Variants in PALS2 observed in about 807,000 individuals in gnomAD.
PALS2 encodes protein associated with LIN7 2, MAGUK p55 family member, also known as protein PALS2.
A neutral mutation model predicts 61.6 loss-of-function variants in PALS2; 27 were observed. That is an observed-to-expected ratio of 0.44 (90% CI 0.32 to 0.60). The LOEUF (loss-of-function observed/expected upper bound fraction) is 0.60, where lower values mean the gene tolerates loss of function less well. Among genes scored for constraint, PALS2 ranks in the 20% least tolerant of loss-of-function variants. The pLI, the probability that PALS2 is intolerant of heterozygous loss-of-function variation, is 0.05. For synonymous variants in PALS2, 236 were observed against 218.6 expected (o/e 1.08, Z -0.70); for missense variants, 554 against 639.4 (o/e 0.87, Z 1.44).
chr7:24,640,825 G>A (rs535463232), intron 2 of PALS2, among the ~76,000 whole-genome samples: 124 of 151,974 alleles, frequency 8.2e-4, no homozygotes, highest in Non-Finnish European at 1.5e-3. Context: ...TGGCTAACAT[G>A]GTGAAACCCT....
intron 11 of PALS2, among the ~76,000 whole-genome samples, chr7:24,684,573 T>C (rs569381930): frequency 1.3e-5 from 2 of 152,298 alleles, no homozygotes; most frequent in East Asian, 3.9e-4. Flanking sequence ...TAGTGGGAGA[T>C]AGCATTTAAA....
At chr7:24,644,411 A>G (rs796518718) in intron 3 of PALS2, among the ~76,000 whole-genome samples, 30 of 152,210 alleles carry the variant, frequency 2.0e-4, no homozygotes, top group African/African-American at 7.0e-4. Context: ...CTCCAGCTCC[A>G]TTCATGTTGC....
At chr7:24,652,672 C>T (rs1472719649) in intron 5 of PALS2, among the ~76,000 whole-genome samples, 4 of 152,056 alleles carry the variant, frequency 2.6e-5, no homozygotes, top group African/African-American at 7.2e-5. Flanking sequence ...AAACCATGGG[C>T]ATCCTACTGA....
intron 11 of PALS2, among the ~76,000 whole-genome samples, chr7:24,683,198 T>TA (rs1235594823): frequency 1.3e-5 from 2 of 152,234 alleles, no homozygotes; most frequent in Non-Finnish European, 2.9e-5. Flanking sequence ...TCATTCCTTC[T>TA]ACATTTATAA....
chr7:24,628,164 C>A (rs28812594), intron 2 of PALS2, among the ~76,000 whole-genome samples: 3,577 of 152,282 alleles, frequency 0.023, 164 homozygotes, highest in African/African-American at 0.082. Context: ...AAAGGCTTAT[C>A]CACCACGATC....
At chr7:24,636,529 G>T (rs1583916552) in intron 2 of PALS2, among the ~76,000 whole-genome samples, 1 of 152,146 alleles carries the variant, frequency 6.6e-6, no homozygotes, top group Non-Finnish European at 1.5e-5. Context: ...AGAGAAGATT[G>T]TGAATGTTGG....
chr7:24,644,005 A>C lies in PALS2; in HGVS notation c.270+2137A>C, dbSNP rs538213562. Among the ~76,000 whole-genome samples the C allele has an allele frequency of 3.9e-5, 6 of 152,162 alleles. No homozygotes were observed. In the South Asian group the frequency reaches 1.2e-3, roughly 32 times the overall value. ...AAGTAATCAATTGTGTTTTTATCTTAACATTATACAAATTCTGTTCTCTAT... is the reference window on the plus strand; with the variant it reads ...AAGTAATCAATTGTGTTTTTATCTTCACATTATACAAATTCTGTTCTCTAT... On this transcript the variant is annotated intron_variant, in intron 3 of 11. Coordinates refer to ENST00000222644, the MANE Select transcript of PALS2 (RefSeq NM_001303037.2).
chr7:24,633,350 G>GTTT (rs35300093), intron 2 of PALS2, among the ~76,000 whole-genome samples: 5 of 106,252 alleles, frequency 4.7e-5, no homozygotes, highest in Admixed American at 9.6e-5. Context: ...GGTTGGTGGA[G>GTTT]TTTTTTTTTT....
intron 1 of PALS2, among the ~76,000 whole-genome samples, chr7:24,578,977 G>A (rs1397523658): frequency 1.3e-5 from 2 of 152,142 alleles, no homozygotes; most frequent in African/African-American, 4.8e-5. Context: ...TATACAAAAA[G>A]GAAGTAAAAT....
chr7:24,648,289 CTTTT>C (rs1265008724), intron 3 of PALS2, among the ~76,000 whole-genome samples: 11 of 118,740 alleles, frequency 9.3e-5, no homozygotes, highest in African/African-American at 1.9e-4. Context: ...AAAAATTATT[CTTTT>C]TTTTTTTTTT....
At position 24,621,105 on chromosome 7, in the gene PALS2, C is replaced by T. The variant is rs77441779; in HGVS notation, c.-2-2561C>T. On this transcript the variant is annotated intron_variant, in intron 1 of 11. Transcript: ENST00000222644. ...TGCCCACTTAAAGGTAACTTGTTGA[C>T]CTTAAGCAAAATTACTAAGTAGCTT... 2.3e-3 allele frequency among the ~76,000 whole-genome samples: 348 copies of T among 152,218 alleles called. 10 individuals carry two copies. In the East Asian group the frequency reaches 0.053, roughly 23 times the overall value.
Position 24,680,441 on chromosome 7 carries a change from T to A in PALS2, c.1367T>A (p.Ile456Asn). Residue 456 changes from isoleucine (I) to asparagine (N), a missense_variant, in exon 11 of 12, where the codon ATT becomes AAT. Transcript: ENST00000222644. ...TSEFMPYVVF[I>N]AAPELETLRA... ...GAGTTTATGCCCTATGTGGTATTTA[T>A]TGCGGCTCCGGAGCTAGAGACGTTA... The A allele has an allele frequency of 6.2e-7, 1 of 1,613,812 alleles. No homozygotes were observed. Among genetic ancestry groups the A allele is most frequent in the Non-Finnish European group, 8.5e-7 (1 of 1,179,708 alleles).
intron 9 of PALS2, among the ~76,000 whole-genome samples, chr7:24,672,001 G>A (rs997301792): frequency 6.6e-6 from 1 of 151,088 alleles, no homozygotes; most frequent in Non-Finnish European, 1.5e-5. Context: ...TTCTTTTTCA[G>A]CTTGTTTTGG....
chr7:24,650,683 A>G lies in PALS2; in HGVS notation c.622A>G (p.Ser208Gly). The change falls in exon 5 of 12, where the codon AGT (serine) becomes GGT (glycine). Residue 208 changes from serine to glycine, a missense_variant. Ser to Gly is a moderately conservative substitution (Grantham distance 56). Transcript: ENST00000222644. ...AAGTGTCACCCTAAAAATCTTACCA[A>G]GTTATAGAGATACCATTACTCCTCA... is the stretch of plus-strand genomic sequence containing the variant. ...SGSVTLKILP[S>G]YRDTITPQQV... The G allele has an allele frequency of 6.2e-7, 1 of 1,600,726 alleles. No individual in the cohort carries two copies. Among genetic ancestry groups the G allele is most frequent in the African/African-American group, 1.3e-5 (1 of 74,658 alleles).
intron 1 of PALS2, among the ~76,000 whole-genome samples, chr7:24,593,605 A>G (rs1246523838): frequency 2.0e-5 from 3 of 152,182 alleles, no homozygotes; most frequent in Admixed American, 6.6e-5. Context: ...ATTAGCAGGC[A>G]TGAAAATAAC....
At chr7:24,575,103 A>G (rs892198192) in intron 1 of PALS2, among the ~76,000 whole-genome samples, 5 of 152,196 alleles carry the variant, frequency 3.3e-5, no homozygotes, top group Non-Finnish European at 7.3e-5. Flanking sequence ...TTTAAGGTCC[A>G]TGTTTCCTTC....
At chr7:24,622,851 T>A (rs1414735996) in intron 1 of PALS2, among the ~76,000 whole-genome samples, 2 of 151,892 alleles carry the variant, frequency 1.3e-5, no homozygotes, top group African/African-American at 4.8e-5. Context: ...GAGAGAAGAA[T>A]TTCCCTTCTA....
intron 11 of PALS2, among the ~76,000 whole-genome samples, chr7:24,682,261 A>G (rs954407812): frequency 2.0e-5 from 3 of 152,136 alleles, no homozygotes; most frequent in Admixed American, 6.5e-5. Context: ...GGGAATAGGT[A>G]CCATTCCTGG....
chr7:24,587,036 T>G (rs889105398), intron 1 of PALS2, among the ~76,000 whole-genome samples: 1 of 151,262 alleles, frequency 6.6e-6, no homozygotes, highest in Non-Finnish European at 1.5e-5. Context: ...AAGGATTTTT[T>G]TTTTGTTTTT....
Sources: allele counts gnomAD v4.1 joint callset (sites outside exome capture counted in the v4.1 genomes callset), GRCh38; gene constraint gnomAD v4.1.1; transcripts MANE v1.5; gene names NCBI Gene and HGNC (gene_info 2026-07-23, HGNC 2026-07-21).